NTMT1: variants seen among roughly 807,000 people sequenced by gnomAD.
The protein encoded by NTMT1 is N-terminal Xaa-Pro-Lys N-methyltransferase 1.
Under a neutral mutation model 17.5 loss-of-function variants are expected in NTMT1, and 8 were observed. That is an observed-to-expected ratio of 0.46 (90% CI 0.27 to 0.82). The LOEUF (loss-of-function observed/expected upper bound fraction) is 0.82. Ranked by LOEUF, NTMT1 falls within the 40% of genes least tolerant of loss-of-function variation. The pLI is 0.15. For synonymous variants in NTMT1, 128 were observed against 126.8 expected (o/e 1.01, Z -0.06); for missense variants, 221 against 303.5 (o/e 0.73, Z 2.02).
chr9:129,614,903 G>GA lies in NTMT1; in HGVS notation c.-55+5736dup, dbSNP rs3054726. On this transcript the variant is annotated intron_variant, in intron 1 of 3. Transcript: ENST00000372486. The surrounding 1 kb of genome is among the most constrained non-coding windows in gnomAD (Gnocchi z 4.4). ...GGCGACAGAGTGAGACTCCGTATCA[G>GA]AAAAAAAAAAAGAAAAAGAAAACTC... Among the ~76,000 whole-genome samples, 1,084 of 144,336 alleles carry GA rather than the reference G, an allele frequency of 7.5e-3. 7 individuals are homozygous for GA. The highest frequency in any genetic ancestry group is 0.021 in the Middle Eastern group (6 of 286). 94.7% of individuals were successfully genotyped at this position (144,336 alleles called of 152,430 possible).
chr9:129,610,223 AAAGGGGGAGGGAGAGGGG>A (rs1830080129), intron 1 of NTMT1, among the ~76,000 whole-genome samples: 2 of 16,172 alleles, frequency 1.2e-4, no homozygotes, highest in Admixed American at 1.7e-3. Context: ...GGGGGAGGGG[AAAGGGGGAGGGAGAGGGG>A]AAAGGGGGGA....
chr9:129,624,391 C>T (rs1429938069), upstream of NTMT1, among the ~76,000 whole-genome samples: 1 of 152,166 alleles, frequency 6.6e-6, no homozygotes, highest in Non-Finnish European at 1.5e-5. Flanking sequence ...AATCCCTTTG[C>T]TTAAAGACAC....
At chr9:129,633,953 C>CTTGT in intron 2 of NTMT1, 101 bp from the exon 3 acceptor site, 2 of 1,371,962 alleles carry the variant, frequency 1.5e-6, no homozygotes, top group South Asian at 2.9e-5. Context: ...TGTGCGGAGT[C>CTTGT]CTGGAATCCT....
In NTMT1 at chr9:129,613,676, C is replaced by A; in HGVS notation, c.-55+4498C>A. 1 of 1,567,198 alleles carries A rather than the reference C, an allele frequency of 6.4e-7. No homozygotes were observed. On this transcript the variant is annotated intron_variant, in intron 1 of 3. Transcript: ENST00000372486. This position sits in a 1 kb window ranked among gnomAD's most constrained non-coding sequence, Gnocchi z 6.2. The stretch of plus-strand genomic sequence containing the variant: ...CCCCACCCTCTTTTCCTCCCTCTGG[C>A]AGGCAGGGCCGGTCAGAGCCCTGTC...
intron 1 of NTMT1, among the ~76,000 whole-genome samples, chr9:129,611,640 G>T (rs1192200971): frequency 6.6e-6 from 1 of 151,112 alleles, no homozygotes; most frequent in Admixed American, 6.6e-5. Context: ...GGCTTGGGGT[G>T]GGGGTTCTCC....
Position 129,635,505 on chromosome 9 carries a change from TGGG to T in NTMT1, c.*45_*47del, listed in dbSNP as rs775408144. 2 of 1,576,924 alleles carry T rather than the reference TGGG, an allele frequency of 1.3e-6. No individual in the cohort carries two copies. Among genetic ancestry groups the T allele is most frequent in the Non-Finnish European group, 1.7e-6 (2 of 1,160,126 alleles). On this transcript the variant is annotated 3_prime_UTR_variant, in exon 4 of 4. Coordinates refer to ENST00000372483, the MANE Select transcript of NTMT1 (RefSeq NM_014064.4). The stretch of plus-strand genomic sequence containing the variant: ...AGAAACTGAGGAACCACAGTCCTGG[TGGG>T]GGGAGCTGGCAGCTGGGCAAGATCC...
At chr9:129,612,641 G>A (rs1830146792) in intron 1 of NTMT1, among the ~76,000 whole-genome samples, 1 of 152,246 alleles carries the variant, frequency 6.6e-6, no homozygotes. Context: ...AGTTTGGGAG[G>A]CCAAGGCGGA....
intron 1 of NTMT1, among the ~76,000 whole-genome samples, chr9:129,621,067 C>A (rs1422174623): frequency 6.6e-6 from 1 of 152,254 alleles, no homozygotes; most frequent in South Asian, 2.1e-4. Flanking sequence ...TCTCTGCAGC[C>A]GTGAAACGGC....
chr9:129,616,826 C>G (rs1053649592), intron 1 of NTMT1, among the ~76,000 whole-genome samples: 2 of 152,156 alleles, frequency 1.3e-5, no homozygotes, highest in Non-Finnish European at 2.9e-5. Flanking sequence ...CGCCTGTAAT[C>G]CCAGCACTTT....
chr9:129,635,465 G>C lies in NTMT1; in HGVS notation c.*1G>C, dbSNP rs769513261. On this transcript the variant is annotated 3_prime_UTR_variant, in exon 4 of 4. Coordinates refer to ENST00000372483, the MANE Select transcript of NTMT1 (RefSeq NM_014064.4). ...TGTCTATAGCTTTGCCCTGAGATGA[G>C]CCGGGGCTGGCAGGAGAAACTGAGG... 13 of 1,603,432 alleles carry C rather than the reference G, an allele frequency of 8.1e-6. No individual in the cohort carries two copies. The South Asian group carries it at 1.4e-4, about 18-fold the overall frequency.
At chr9:129,634,338 T>C (rs1831382178) in intron 3 of NTMT1, 32 bp downstream of exon 3, 1 of 1,558,812 alleles carries the variant, frequency 6.4e-7, no homozygotes, top group Non-Finnish European at 8.7e-7. Context: ...CCTGCTCACC[T>C]GTATGTCTCC....
upstream of NTMT1, among the ~76,000 whole-genome samples, chr9:129,625,053 A>T (rs1279359825): frequency 1.3e-5 from 2 of 152,228 alleles, no homozygotes; most frequent in African/African-American, 4.8e-5. Context: ...GCAATGTCCC[A>T]CAAGTTTAAC....
rs201638345 is a variant in NTMT1 at position 129,632,765 on chromosome 9, A to G, written c.62A>G (p.Lys21Arg). 7.6e-5 allele frequency: 123 copies of G among 1,614,088 alleles called. No homozygotes were observed. The highest frequency in any genetic ancestry group is 9.8e-5 in the Non-Finnish European group (116 of 1,180,030). ...QFYSKAKTYW[K>R]QIPPTVDGML... ...TATTCCAAGGCCAAGACCTACTGGA[A>G]ACAAATCCCACCCACGGTGGACGGC... Residue 21 changes from lysine (K) to arginine (R), a missense_variant, in exon 2 of 4, where the codon AAA (lysine) becomes AGA (arginine). Lys to Arg is a conservative substitution (Grantham distance 26). Coordinates refer to ENST00000372483, the MANE Select transcript of NTMT1 (RefSeq NM_014064.4).
intron 1 of NTMT1, among the ~76,000 whole-genome samples, chr9:129,611,951 T>G (rs1400889126): frequency 2.0e-5 from 3 of 151,884 alleles, no homozygotes; most frequent in African/African-American, 7.3e-5. Flanking sequence ...ACAGGGTCTA[T>G]GTTGCTCAGG....
At chr9:129,617,320 C>T (rs561402333) in intron 1 of NTMT1, among the ~76,000 whole-genome samples, 37 of 152,334 alleles carry the variant, frequency 2.4e-4, no homozygotes, top group African/African-American at 8.2e-4. Flanking sequence ...GGGACCTAGT[C>T]ATCTAACAGT....
upstream of NTMT1, among the ~76,000 whole-genome samples, chr9:129,625,193 G>A (rs947429572): frequency 3.9e-5 from 6 of 152,276 alleles, no homozygotes; most frequent in East Asian, 1.9e-4. Flanking sequence ...CCGCTGCCTC[G>A]GAGATAGCTC....
Position 129,613,357 on chromosome 9 carries a change from G to C in NTMT1, c.-55+4179G>C. On this transcript the variant is annotated intron_variant, in intron 1 of 3. Coordinates refer to the NTMT1 transcript ENST00000372486. This position sits in a 1 kb window ranked among gnomAD's most constrained non-coding sequence, Gnocchi z 6.2. ...ACACTGGCAACCCGCCTGCTGCTGG[G>C]TGGGGAGGTCTGTAGGCAAGGGGGG... The C allele has an allele frequency of 6.3e-7, 1 of 1,580,868 alleles. No homozygotes were observed. Among genetic ancestry groups the C allele is most frequent in the Non-Finnish European group, 8.6e-7 (1 of 1,161,180 alleles).
At chr9:129,623,612 A>G (rs935102439), upstream of NTMT1, among the ~76,000 whole-genome samples, 6 of 152,198 alleles carry the variant, frequency 3.9e-5, no homozygotes, top group Admixed American at 1.3e-4. Flanking sequence ...TTGTAATTCA[A>G]ATAACAGAGT....
chr9:129,616,853 A>T (rs1476370215), intron 1 of NTMT1, among the ~76,000 whole-genome samples: 1 of 152,122 alleles, frequency 6.6e-6, no homozygotes, highest in African/African-American at 2.4e-5. Flanking sequence ...CAGGCAGATC[A>T]AAAGGTCAAG....
Sources: gnomAD v4.1 joint callset for allele counts (sites outside exome capture counted in the v4.1 genomes callset) on GRCh38, gnomAD v4.1.1 for gene constraint, Gnocchi (gnomAD v3.1) non-coding constraint, MANE v1.5 for transcripts, NCBI Gene and HGNC (gene_info 2026-07-23, HGNC 2026-07-21) for gene names.